DAB1: variants seen among roughly 807,000 people sequenced by gnomAD.
The protein encoded by DAB1 is DAB adaptor protein 1.
DAB1 carries 15 observed loss-of-function variants against 64.6 expected under a neutral mutation model. That is an observed-to-expected ratio of 0.23 (90% CI 0.16 to 0.36). The LOEUF is 0.36. DAB1 is among the 10% of genes least tolerant of loss of function. The pLI, the probability that DAB1 is intolerant of heterozygous loss-of-function variation, is 1.00. For synonymous variants in DAB1, 235 were observed against 251.9 expected, an observed-to-expected ratio of 0.93 and a Z score of 0.64; for missense variants, 596 against 706.7, an observed-to-expected ratio of 0.84 and a Z score of 1.78.
intron 2 of DAB1, among the ~76,000 whole-genome samples, chr1:58,508,480 A>G (rs1646023853): frequency 6.6e-6 from 1 of 152,180 alleles, no homozygotes; most frequent in Admixed American, 6.5e-5. Context: ...AATGAACAAC[A>G]TCAAACCTGG....
rs376336181 is a variant in DAB1, at chr1:58,126,727, C to T, written n.387+23784G>A. On this transcript the variant is annotated intron_variant and non_coding_transcript_variant, in intron 5 of 20. Transcript: ENST00000485760. ...TGCGGTGTTTGGTTTTTTGTTCTTG[C>T]GATAGTTTACTGAGAATGATGATTT... Among the ~76,000 whole-genome samples the T allele has an allele frequency of 7.3e-5, 11 of 150,718 alleles. 1 individual carries two copies. In the East Asian group the frequency reaches 1.6e-3, roughly 22 times the overall value.
chr1:58,086,185 G>A (rs1431974959), intron 5 of DAB1, among the ~76,000 whole-genome samples: 1 of 151,378 alleles, frequency 6.6e-6, no homozygotes, highest in Non-Finnish European at 1.5e-5. Context: ...GGATGGTCTC[G>A]ATCTCCTGAC....
intron 6 of DAB1, among the ~76,000 whole-genome samples, chr1:57,692,479 A>G (rs1342579655): frequency 6.6e-6 from 1 of 152,120 alleles, no homozygotes; most frequent in African/African-American, 2.4e-5. Flanking sequence ...GGAGTCAAAG[A>G]GAGAGGCAAA....
chr1:57,160,314 A>G (rs1660628838), intron 2 of DAB1, among the ~76,000 whole-genome samples: 2 of 152,204 alleles, frequency 1.3e-5, no homozygotes, highest in African/African-American at 2.4e-5. Context: ...CATGACATGC[A>G]TTATTAATCC....
At chr1:58,372,052 G>T (rs1308037986) in intron 3 of DAB1, among the ~76,000 whole-genome samples, 3 of 152,236 alleles carry the variant, frequency 2.0e-5, no homozygotes, top group Non-Finnish European at 4.4e-5. Context: ...GCCTAGTGGA[G>T]CTGTAAGAAG....
intron 9 of DAB1, among the ~76,000 whole-genome samples, chr1:57,053,690 T>TATATA (rs1649446979): frequency 8.9e-5 from 3 of 33,646 alleles, no homozygotes; most frequent in African/African-American, 3.4e-4. Context: ...ATATATATAT[T>TATATA]TTTTTTTTTT....
At chr1:57,743,462 T>C (rs1413352554) in intron 6 of DAB1, among the ~76,000 whole-genome samples, 1 of 152,222 alleles carries the variant, frequency 6.6e-6, no homozygotes, top group African/African-American at 2.4e-5. Context: ...CTTTGCTGAC[T>C]CTCTTTTCGG....
At position 58,362,096 on chromosome 1, in the gene DAB1, C is replaced by G. The variant is rs183226880; in HGVS notation, n.258-18693G>C. The stretch of plus-strand genomic sequence containing the variant: ...GCCAGGCTGGTCGTGAACTCCTGAC[C>G]TTTAGGATAATCATATTCCCATGGA... On this transcript the variant is annotated intron_variant and non_coding_transcript_variant, in intron 3 of 20. Transcript: ENST00000485760. Among the ~76,000 whole-genome samples the G allele has an allele frequency of 8.1e-4, 123 of 152,124 alleles. 1 individual carries two copies. In the Middle Eastern group the frequency reaches 0.02, roughly 25 times the overall value.
chr1:58,448,300 T>C (rs1053063542), intron 3 of DAB1, among the ~76,000 whole-genome samples: 1 of 152,202 alleles, frequency 6.6e-6, no homozygotes, highest in Non-Finnish European at 1.5e-5. Flanking sequence ...TGTGATTACT[T>C]GATATCTATA....
intron 5 of DAB1, among the ~76,000 whole-genome samples, chr1:57,927,240 T>G (rs1177858030): frequency 6.6e-6 from 1 of 152,202 alleles, no homozygotes; most frequent in Non-Finnish European, 1.5e-5. Flanking sequence ...TGCAACTCTA[T>G]GGCAATCTTC....
chr1:57,218,542 A>AAAC (rs1666612453), intron 2 of DAB1, among the ~76,000 whole-genome samples: 1 of 148,424 alleles, frequency 6.7e-6, no homozygotes, highest in African/African-American at 2.5e-5. Flanking sequence ...AAAAAAAAAA[A>AAAC]ACAGAAAAAA....
chr1:58,300,631 AG>A lies in DAB1; in HGVS notation n.309+42720del, dbSNP rs1557726158. 2.7e-3 allele frequency among the ~76,000 whole-genome samples: 170 copies of A among 63,054 alleles called. 5 individuals carry two copies. The highest frequency in any genetic ancestry group is 8.2e-3 in the South Asian group (10 of 1,214). 41.4% of individuals were successfully genotyped at this position (63,054 alleles called of 152,430 possible). A position where few individuals can be genotyped will look rare whatever the true frequency, so the allele number is the denominator to read the frequency against. On this transcript the variant is annotated intron_variant and non_coding_transcript_variant, in intron 4 of 20. Transcript: ENST00000485760. ...AAGAAAGAGAGAGAGAGAGAGAGAG[AG>A]AGAGAGAGAGAGAGAGGAAGGAAGG...
intron 5 of DAB1, among the ~76,000 whole-genome samples, chr1:58,107,469 CAAAA>C (rs768255896): frequency 9.3e-6 from 1 of 107,216 alleles, no homozygotes; most frequent in Admixed American, 9.8e-5. Context: ...ACTCCATCTC[CAAAA>C]AAAAAAAAAA....
At chr1:57,836,505 G>T (rs1041376626) in intron 1 of DAB1, among the ~76,000 whole-genome samples, 14 of 152,150 alleles carry the variant, frequency 9.2e-5, no homozygotes, top group Admixed American at 6.5e-4. Context: ...AAGCTTCTAT[G>T]CTCACTCTTT....
At chr1:58,523,681 C>T (rs144492966) in intron 2 of DAB1, among the ~76,000 whole-genome samples, 2,267 of 152,204 alleles carry the variant, frequency 0.015, 53 homozygotes, top group African/African-American at 0.05. Context: ...GGGCGGATCA[C>T]GAGGTCAGGA....
intron 13 of DAB1, 53 bp downstream of exon 13, chr1:57,011,092 A>G: frequency 1.2e-6 from 2 of 1,608,926 alleles, no homozygotes; most frequent in Non-Finnish European, 1.7e-6. Flanking sequence ...TTTCAGTTAC[A>G]GAGGTCTTAA....
At chr1:58,127,863 C>G (rs1295806034) in intron 5 of DAB1, among the ~76,000 whole-genome samples, 1 of 152,044 alleles carries the variant, frequency 6.6e-6, no homozygotes, top group African/African-American at 2.4e-5. Flanking sequence ...GTTACTGTAG[C>G]CTTGTAGTAT....
At chr1:57,343,547 T>G (rs1677825636) in intron 1 of DAB1, among the ~76,000 whole-genome samples, 1 of 151,984 alleles carries the variant, frequency 6.6e-6, no homozygotes, top group Non-Finnish European at 1.5e-5. Flanking sequence ...CCCACGGAGG[T>G]CGGGGGAGGC....
rs146112280 is a variant in DAB1, at chr1:58,016,356, C to T, written n.388-132194G>A. ...TGGATGTCACCTATGGACTGTTTGCCAATTTCCCATTTAAGTAATCCTGAG... is the reference window on the plus strand; with the variant it reads ...TGGATGTCACCTATGGACTGTTTGCTAATTTCCCATTTAAGTAATCCTGAG... On this transcript the variant is annotated intron_variant and non_coding_transcript_variant, in intron 5 of 20. Coordinates refer to the DAB1 transcript ENST00000485760. Among the ~76,000 whole-genome samples the T allele has an allele frequency of 9.2e-4, 140 of 152,186 alleles. 1 individual carries two copies. The highest frequency in any genetic ancestry group is 3.2e-3 in the African/African-American group (131 of 41,520).
Sources: allele counts gnomAD v4.1 joint callset (sites outside exome capture counted in the v4.1 genomes callset), GRCh38; gene constraint gnomAD v4.1.1; transcripts MANE v1.5; gene names NCBI Gene and HGNC (gene_info 2026-07-23, HGNC 2026-07-21).